GPRIN3: variants seen among roughly 807,000 people sequenced by gnomAD.
The protein encoded by GPRIN3 is GPRIN family member 3.
In GPRIN3, 12 loss-of-function variants were observed where a neutral mutation model predicts 13.7. The ratio of observed to expected loss-of-function variants is 0.87; its 90% CI spans 0.56 to 1.42. The LOEUF is 1.42. Ranked by LOEUF, GPRIN3 falls within the 40% of genes most tolerant of loss-of-function variation. GPRIN3 has a pLI of 0.00. For missense variants in GPRIN3, 1,009 were observed against 958.7 expected (o/e 1.05, Z -0.69); for synonymous variants, 377 against 372.7 (o/e 1.01, Z -0.13).
At chr4:89,296,931 A>G (rs1040205511) in intron 1 of GPRIN3, among the ~76,000 whole-genome samples, 1 of 152,230 alleles carries the variant, frequency 6.6e-6, no homozygotes, top group Non-Finnish European at 1.5e-5. Flanking sequence ...GCAACACAAG[A>G]TGAAATCCAA....
chr4:89,275,676 C>T (rs539632456), intron 1 of GPRIN3, among the ~76,000 whole-genome samples: 1 of 152,308 alleles, frequency 6.6e-6, no homozygotes, highest in South Asian at 2.1e-4. Flanking sequence ...TTCCTACCAG[C>T]CCTGCAAAGA....
chr4:89,274,262 T>G (rs1270137859), intron 1 of GPRIN3, among the ~76,000 whole-genome samples: 1 of 152,212 alleles, frequency 6.6e-6, no homozygotes, highest in Admixed American at 6.5e-5. Context: ...TGTTTGTGTT[T>G]AACTGTGCTT....
In GPRIN3 at chr4:89,247,754, A is replaced by G; in HGVS notation, c.*26T>C. ...ACGCATGTGAATACCGTAAATTTAT[A>G]CACAAACTCCCATAAATACTCCCTT... On this transcript the variant is annotated 3_prime_UTR_variant, in exon 2 of 2. Coordinates refer to ENST00000609438, the MANE Select transcript of GPRIN3 (RefSeq NM_198281.3). 6.4e-7 allele frequency: 1 copy of G among 1,570,404 alleles called. No homozygotes were observed. The highest frequency in any genetic ancestry group is 8.6e-7 in the Non-Finnish European group (1 of 1,156,242).
intron 1 of GPRIN3, among the ~76,000 whole-genome samples, chr4:89,272,542 C>T (rs1482227161): frequency 1.3e-5 from 2 of 152,094 alleles, no homozygotes; most frequent in Non-Finnish European, 2.9e-5. Flanking sequence ...CTTCCATTTC[C>T]TCTGAATTTG....
At chr4:89,298,399 C>T (rs1183298047) in intron 1 of GPRIN3, among the ~76,000 whole-genome samples, 7 of 151,858 alleles carry the variant, frequency 4.6e-5, no homozygotes, top group Non-Finnish European at 7.4e-5. Flanking sequence ...TGAAGAGGAA[C>T]GGAAATGAAG....
rs1218640760 is a variant in GPRIN3 at position 89,246,706 on chromosome 4, G to T, written c.*1074C>A. 6.6e-6 allele frequency: 1 copy of T among 152,072 alleles called. No individual in the cohort carries two copies. The highest frequency in any genetic ancestry group is 1.5e-5 in the Non-Finnish European group (1 of 68,006). 9.4% of individuals were successfully genotyped at this position (152,072 alleles called of 1,614,324 possible). On this transcript the variant is annotated 3_prime_UTR_variant, in exon 2 of 2. Coordinates refer to ENST00000609438, the MANE Select transcript of GPRIN3 (RefSeq NM_198281.3). ...GAAGCTCACATTCTAATTTGGTGTT[G>T]ACTACATTTGTTACTGGAAGTTACT...
chr4:89,300,751 C>T (rs1296064562), intron 1 of GPRIN3, among the ~76,000 whole-genome samples: 1 of 152,156 alleles, frequency 6.6e-6, no homozygotes, highest in African/African-American at 2.4e-5. Flanking sequence ...GACTTCTGCT[C>T]TCTGACTGTT....
At position 89,242,894 on chromosome 4, in the gene GPRIN3, T is replaced by A. The variant is rs1722983456; in HGVS notation, c.*4886A>T. The A allele has an allele frequency of 6.6e-6, 1 of 152,230 alleles. No individual in the cohort carries two copies. Among genetic ancestry groups the A allele is most frequent in the East Asian group, 1.9e-4 (1 of 5,200 alleles). The allele number at this position is 152,230 out of a possible 1,614,324, so 9.4% of individuals were successfully genotyped here. ...GTTATTTGAATGTTGTTTATAATTA[T>A]CATCACGTTTACTTACCTAACAGCC... On this transcript the variant is annotated 3_prime_UTR_variant, in exon 2 of 2. Coordinates refer to ENST00000609438, the MANE Select transcript of GPRIN3 (RefSeq NM_198281.3).
intron 1 of GPRIN3, among the ~76,000 whole-genome samples, chr4:89,297,384 T>TTTTTG (rs376219871): frequency 2.5e-4 from 38 of 152,250 alleles, no homozygotes; most frequent in Middle Eastern, 3.4e-3. Flanking sequence ...CTCAAGTGTT[T>TTTTTG]TTTTGTTTTG....
chr4:89,248,128 T>G lies in GPRIN3; in HGVS notation c.1983A>C (p.Gly661=), dbSNP rs1723164901. The G allele has an allele frequency of 1.2e-6, 2 of 1,614,122 alleles. No individual in the cohort carries two copies. The highest frequency in any genetic ancestry group is 1.7e-6 in the Non-Finnish European group (2 of 1,180,022). ...AAAAQVGLTP[G]DKKKQLGADS... ...CTGCGCCAAGCTGCTTTTTCTTATC[T>G]CCTGGAGTGAGTCCTACCTGAGCAG... Residue 661 remains glycine (G), a synonymous_variant, in exon 2 of 2, where the codon GGA becomes GGC. Coordinates refer to ENST00000609438, the MANE Select transcript of GPRIN3 (RefSeq NM_198281.3).
At position 89,249,101 on chromosome 4, in the gene GPRIN3, G is replaced by C; in HGVS notation, c.1010C>G (p.Pro337Arg). Residue 337 changes from proline to arginine, a missense_variant, in exon 2 of 2, where the codon CCC becomes CGC. Coordinates refer to ENST00000609438, the MANE Select transcript of GPRIN3 (RefSeq NM_198281.3). Reference sequence around the variant, plus strand: ...CTTCAGAAATGCAGTGAGGATACTGGGGCTGGTGGAGACGGATCTGCTCTC... The same window carrying C: ...CTTCAGAAATGCAGTGAGGATACTGCGGCTGGTGGAGACGGATCTGCTCTC... ...SVESRSVSTS[P>R]SILTAFLKES... 1.9e-6 allele frequency: 3 copies of C among 1,614,152 alleles called. No individual in the cohort carries two copies. The highest frequency in any genetic ancestry group is 2.5e-6 in the Non-Finnish European group (3 of 1,180,028).
chr4:89,297,713 A>G lies in GPRIN3; in HGVS notation c.-124+9902T>C, dbSNP rs184136604. Among the ~76,000 whole-genome samples, 255 of 152,340 alleles carry G rather than the reference A, an allele frequency of 1.7e-3. 2 individuals carry two copies. Among genetic ancestry groups the G allele is most frequent in the Non-Finnish European group, 2.6e-3 (175 of 68,026 alleles). ...AGAGTGGTGAGCACCTCCTCAGAAT[A>G]AAAAGATAGCCAGAAGGCATGGGAT... On this transcript the variant is annotated intron_variant, in intron 1 of 1. Coordinates refer to ENST00000609438, the MANE Select transcript of GPRIN3 (RefSeq NM_198281.3).
chr4:89,289,801 T>C (rs544495728), intron 1 of GPRIN3, among the ~76,000 whole-genome samples: 2 of 152,262 alleles, frequency 1.3e-5, no homozygotes, highest in South Asian at 2.1e-4. Context: ...GACTGTCTAA[T>C]AATCATTGTT....
Position 89,249,723 on chromosome 4 carries a change from CG to C in GPRIN3, c.387del (p.Ala130ProfsTer26). On this transcript the variant is annotated frameshift_variant, in exon 2 of 2. Coordinates refer to ENST00000609438, the MANE Select transcript of GPRIN3 (RefSeq NM_198281.3). LOFTEE classifies it low-confidence loss of function (END_TRUNC). ...RDLIHTPLTMPANQHTCQSIP... is the reference protein window; with the variant it reads ...RDLIHTPLTMXANQHTCQSIP... ...ATGGACTGGCAGGTGTGCTGATTGG[CG>C]GGCATTGTCAATGGTGTGTGTATAA... is the stretch of plus-strand genomic sequence containing the variant. 2 of 1,614,128 alleles carry C rather than the reference CG, an allele frequency of 1.2e-6. No homozygotes were observed. Among genetic ancestry groups the C allele is most frequent in the Non-Finnish European group, 1.7e-6 (2 of 1,179,994 alleles).
rs1243790924 is a variant in GPRIN3, at chr4:89,246,836, G to C, written c.*944C>G. ...CTTTTATCATCACAGAAAAAGCAGT[G>C]TTTGGTAATCTGCTATTTATAGTTC... On this transcript the variant is annotated 3_prime_UTR_variant, in exon 2 of 2. Transcript: ENST00000609438. 6.6e-6 allele frequency: 1 copy of C among 152,190 alleles called. No individual in the cohort carries two copies. Among genetic ancestry groups the C allele is most frequent in the Admixed American group, 6.5e-5 (1 of 15,274 alleles). 9.4% of individuals were successfully genotyped at this position (152,190 alleles called of 1,614,324 possible). A position where few individuals can be genotyped will look rare whatever the true frequency, so the allele number is the denominator to read the frequency against.
chr4:89,299,841 T>C (rs928595415), intron 1 of GPRIN3, among the ~76,000 whole-genome samples: 3 of 152,202 alleles, frequency 2.0e-5, no homozygotes, highest in Non-Finnish European at 4.4e-5. Flanking sequence ...TTGGTCTATG[T>C]GTAAAAAGTT....
intron 1 of GPRIN3, among the ~76,000 whole-genome samples, chr4:89,286,496 T>C (rs1031262267): frequency 1.1e-4 from 16 of 152,178 alleles, no homozygotes; most frequent in Non-Finnish European, 2.1e-4. Context: ...TGTCAGAGAA[T>C]CTACCTCATC....
chr4:89,287,402 C>A (rs1724453132), intron 1 of GPRIN3, among the ~76,000 whole-genome samples: 1 of 152,192 alleles, frequency 6.6e-6, no homozygotes, highest in South Asian at 2.1e-4. Context: ...GTGGTTAATA[C>A]AATGAAACTG....
At chr4:89,263,295 T>C (rs1193553413) in intron 1 of GPRIN3, among the ~76,000 whole-genome samples, 1 of 152,238 alleles carries the variant, frequency 6.6e-6, no homozygotes, top group Non-Finnish European at 1.5e-5. Context: ...TTTAAAAAAA[T>C]GTCCTTCACT....
Sources: gnomAD v4.1 joint callset for allele counts (sites outside exome capture counted in the v4.1 genomes callset) on GRCh38, gnomAD v4.1.1 for gene constraint, MANE v1.5 for transcripts, NCBI Gene and HGNC (gene_info 2026-07-23, HGNC 2026-07-21) for gene names.